Variants in ADARB2 observed in about 807,000 individuals in gnomAD.
The protein encoded by ADARB2 is inactive double-stranded RNA-specific editase B2.
Under a neutral mutation model 62.2 loss-of-function variants are expected in ADARB2, and 25 were observed. The ratio of observed to expected loss-of-function variants is 0.40; its 90% CI spans 0.29 to 0.56. ADARB2 has a LOEUF of 0.56. ADARB2 is among the 20% of genes least tolerant of loss of function. ADARB2 has a pLI of 0.43. For synonymous variants in ADARB2, 572 were observed against 500.8 expected (o/e 1.14, Z -1.90); for missense variants, 1,071 against 1,077.4 (o/e 0.99, Z 0.08).
At chr10:1,468,524 A>G (rs1455849280) in intron 1 of ADARB2, among the ~76,000 whole-genome samples, 1 of 152,152 alleles carries the variant, frequency 6.6e-6, no homozygotes, top group Non-Finnish European at 1.5e-5. Context: ...TCACAGTGTT[A>G]TTCTGGCATC....
intron 1 of ADARB2, among the ~76,000 whole-genome samples, chr10:1,679,743 G>A (rs1411578226): frequency 1.3e-5 from 2 of 152,130 alleles, no homozygotes; most frequent in African/African-American, 2.4e-5. Flanking sequence ...ACTGTGCCAC[G>A]ATCTGTCGTT....
At chr10:1,223,516 T>C (rs536234613) in intron 6 of ADARB2, among the ~76,000 whole-genome samples, 56 of 152,332 alleles carry the variant, frequency 3.7e-4, no homozygotes, top group African/African-American at 1.3e-3. Context: ...TCAAAGGGAA[T>C]GCTTCCAGTT....
chr10:1,279,369 G>A (rs372546542), intron 3 of ADARB2, among the ~76,000 whole-genome samples: 22 of 152,152 alleles, frequency 1.4e-4, no homozygotes, highest in East Asian at 1.9e-4. Context: ...AGGCTGGAGC[G>A]CAGTGGCGTG....
At chr10:1,309,072 G>T (rs779014110) in intron 3 of ADARB2, among the ~76,000 whole-genome samples, 1 of 152,198 alleles carries the variant, frequency 6.6e-6, no homozygotes, top group Non-Finnish European at 1.5e-5. Context: ...CGAAGTCCAT[G>T]CCTCTGACAG....
At chr10:1,581,498 T>G (rs944605952) in intron 1 of ADARB2, among the ~76,000 whole-genome samples, 5 of 152,206 alleles carry the variant, frequency 3.3e-5, no homozygotes, top group African/African-American at 1.2e-4. Flanking sequence ...CTGGCTCTAC[T>G]CCTTGTTAGC....
At chr10:1,231,590 C>T (rs879916344) in intron 6 of ADARB2, among the ~76,000 whole-genome samples, 3 of 152,186 alleles carry the variant, frequency 2.0e-5, no homozygotes, top group Non-Finnish European at 4.4e-5. Flanking sequence ...GCCCCTGCCT[C>T]TCTCTCCCTA....
At chr10:1,190,937 T>C (rs1381122824) in intron 8 of ADARB2, among the ~76,000 whole-genome samples, 1 of 152,106 alleles carries the variant, frequency 6.6e-6, no homozygotes, top group Non-Finnish European at 1.5e-5. Flanking sequence ...AAGGACGGAG[T>C]GAGCAGCGCT....
chr10:1,725,345 G>T (rs909776990), intron 1 of ADARB2, among the ~76,000 whole-genome samples: 2 of 152,156 alleles, frequency 1.3e-5, no homozygotes, highest in Admixed American at 1.3e-4. Context: ...CTCCATCATG[G>T]GTAGGGGGGC....
At chr10:1,298,649 C>T (rs561479176) in intron 3 of ADARB2, among the ~76,000 whole-genome samples, 3 of 149,312 alleles carry the variant, frequency 2.0e-5, no homozygotes, top group Non-Finnish European at 4.4e-5. Context: ...CAAGCAGGAG[C>T]TCCCCTCAAG....
rs186019089 is a variant in ADARB2, at chr10:1,509,778, T to A, written c.101-130618A>T. 3.9e-5 allele frequency among the ~76,000 whole-genome samples: 6 copies of A among 152,312 alleles called. No individual in the cohort carries two copies. The East Asian group carries it at 1.2e-3, about 29-fold the overall frequency. On this transcript the variant is annotated intron_variant, in intron 1 of 9. Coordinates refer to ENST00000381312, the MANE Select transcript of ADARB2 (RefSeq NM_018702.4). ...CCTTTTTGGAAAACATTGTAACAGC[T>A]GCGAAATGGAAAGGGGAATTCAGAT...
chr10:1,572,386 T>G (rs1246375955), intron 1 of ADARB2, among the ~76,000 whole-genome samples: 3 of 152,168 alleles, frequency 2.0e-5, no homozygotes, highest in African/African-American at 7.2e-5. Context: ...GCAGCTATGC[T>G]GTGACGCCAC....
intron 2 of ADARB2, among the ~76,000 whole-genome samples, chr10:1,375,764 A>G (rs527699547): frequency 1.7e-4 from 26 of 151,352 alleles, no homozygotes; most frequent in African/African-American, 6.3e-4. Context: ...ACACATGCAC[A>G]CACGCACACA....
intron 3 of ADARB2, among the ~76,000 whole-genome samples, chr10:1,328,558 C>T (rs1374291169): frequency 6.6e-6 from 1 of 152,026 alleles, no homozygotes; most frequent in Non-Finnish European, 1.5e-5. Flanking sequence ...TTATTCTTAT[C>T]ATCATATTTT....
chr10:1,185,219 C>T (rs1225267106), intron 8 of ADARB2, among the ~76,000 whole-genome samples, 180 bp from the exon 9 acceptor site: 4 of 152,236 alleles, frequency 2.6e-5, no homozygotes, highest in Non-Finnish European at 5.9e-5. Flanking sequence ...TGGGCAGGAT[C>T]GTGGTGGCCG....
chr10:1,241,532 G>T (rs1474320196), intron 5 of ADARB2, among the ~76,000 whole-genome samples: 1 of 152,156 alleles, frequency 6.6e-6, no homozygotes, highest in South Asian at 2.1e-4. Context: ...CCAGCCTGGG[G>T]GTGTGTCGCG....
intron 3 of ADARB2, among the ~76,000 whole-genome samples, chr10:1,289,153 A>G (rs544390105): frequency 6.6e-6 from 1 of 152,276 alleles, no homozygotes; most frequent in South Asian, 2.1e-4. Context: ...CCTTATCCTA[A>G]CCCAGACCTT....
At position 1,195,389 on chromosome 10, in the gene ADARB2, G is replaced by GTTT. The variant is rs377144803; in HGVS notation, c.1864+4574_1864+4576dup. 2.0e-3 allele frequency among the ~76,000 whole-genome samples: 210 copies of GTTT among 103,658 alleles called. 16 individuals are homozygous for GTTT. Among genetic ancestry groups the GTTT allele is most frequent in the South Asian group, 9.1e-3 (29 of 3,200 alleles). The allele number at this position is 103,658 out of a possible 152,430, so 68.0% of individuals were successfully genotyped here. On this transcript the variant is annotated intron_variant, in intron 8 of 9. Transcript: ENST00000381312. ...TCAGTATCTGTCAATGCTGTACACA[G>GTTT]TTTTTTTTTTGTTTTTTTTTTTTTT...
chr10:1,582,204 T>TTTGGAGTTGGAG (rs71379149), intron 1 of ADARB2, among the ~76,000 whole-genome samples: 1 of 151,764 alleles, frequency 6.6e-6, no homozygotes, highest in Non-Finnish European at 1.5e-5. Flanking sequence ...CAGGAAACCA[T>TTTGGAGTTGGAG]TTGGAGTTGG....
chr10:1,526,731 G>A (rs1272442570), intron 1 of ADARB2: 1 of 375,080 alleles, frequency 2.7e-6, no homozygotes, highest in Non-Finnish European at 5.8e-6. Flanking sequence ...CCCAGCCTCG[G>A]GTGTTCCTTT....
Sources: allele counts gnomAD v4.1 joint callset (sites outside exome capture counted in the v4.1 genomes callset), GRCh38; gene constraint gnomAD v4.1.1; transcripts MANE v1.5; gene names NCBI Gene and HGNC (gene_info 2026-07-23, HGNC 2026-07-21).